The following SLC10A7 variants were observed in gnomAD, a reference collection of about 807,000 sequenced individuals.
SLC10A7 encodes solute carrier family 10 member 7.
A neutral mutation model predicts 43.2 loss-of-function variants in SLC10A7; 29 were observed. That is an observed-to-expected ratio of 0.67 (90% confidence interval 0.50 to 0.92). The LOEUF (loss-of-function observed/expected upper bound fraction) is 0.92, where lower values mean the gene tolerates loss of function less well. Among genes scored for constraint, SLC10A7 ranks in the 40% least tolerant of loss-of-function variants. SLC10A7 has a pLI of 0.00. For missense variants in SLC10A7, 295 were observed against 403.2 expected (o/e 0.73, Z 2.30); for synonymous variants, 152 against 144.8 (o/e 1.05, Z -0.35).
intron 5 of SLC10A7, among the ~76,000 whole-genome samples, chr4:146,418,039 GATA>G (rs1443984106): frequency 1.3e-5 from 2 of 150,746 alleles, no homozygotes; most frequent in Non-Finnish European, 3.0e-5. Context: ...TGATGATGAT[GATA>G]ATGATCCACA....
intron 5 of SLC10A7, among the ~76,000 whole-genome samples, chr4:146,433,641 G>T (rs1729963844): frequency 6.6e-6 from 1 of 152,104 alleles, no homozygotes; most frequent in Admixed American, 6.5e-5. Flanking sequence ...TGAGGTGGGA[G>T]GATCGCTTGA....
intron 6 of SLC10A7, among the ~76,000 whole-genome samples, chr4:146,325,658 C>T (rs374997255): frequency 3.1e-4 from 47 of 152,224 alleles, no homozygotes; most frequent in South Asian, 8.3e-4. Flanking sequence ...TTTAGTTTTA[C>T]TAATGAGAAA....
chr4:146,358,380 A>C (rs1560832318), intron 5 of SLC10A7, among the ~76,000 whole-genome samples: 2 of 152,106 alleles, frequency 1.3e-5, no homozygotes, highest in Non-Finnish European at 2.9e-5. Context: ...ATTAGACTAG[A>C]CTAGGCTTTT....
intron 4 of SLC10A7, among the ~76,000 whole-genome samples, chr4:146,466,495 A>G (rs966246231): frequency 2.6e-5 from 4 of 152,204 alleles, no homozygotes; most frequent in African/African-American, 9.6e-5. Context: ...CCCCAAGATC[A>G]GGAGCTCACA....
At chr4:146,281,126 T>C (rs767252563) in intron 10 of SLC10A7, among the ~76,000 whole-genome samples, 20 of 152,124 alleles carry the variant, frequency 1.3e-4, no homozygotes, top group Admixed American at 5.2e-4. Flanking sequence ...ACCTATCTGT[T>C]TGCCTGAAAA....
rs1732292717 is a variant in SLC10A7 at position 146,458,770 on chromosome 4, G to C, written c.397-15949C>G. ...CTTCTAACCACTTTTGATTTTGAGG[G>C]CTTGTGTGTAACAATCTGTATTTAC... On this transcript the variant is annotated intron_variant, in intron 4 of 11. Coordinates refer to ENST00000335472, the MANE Select transcript of SLC10A7 (RefSeq NM_001029998.6). Among the ~76,000 whole-genome samples, 3 of 151,738 alleles carry C rather than the reference G, an allele frequency of 2.0e-5. No homozygotes were observed. The South Asian group carries it at 6.2e-4, about 31-fold the overall frequency.
At chr4:146,463,064 T>C (rs987571080) in intron 4 of SLC10A7, among the ~76,000 whole-genome samples, 1 of 152,190 alleles carries the variant, frequency 6.6e-6, no homozygotes, top group African/African-American at 2.4e-5. Flanking sequence ...ACTCAGCAAC[T>C]ACACCATGTA....
At chr4:146,398,675 TGTAA>T (rs1286012184) in intron 5 of SLC10A7, among the ~76,000 whole-genome samples, 1 of 152,168 alleles carries the variant, frequency 6.6e-6, no homozygotes, top group Non-Finnish European at 1.5e-5. Flanking sequence ...AATGTGGCTT[TGTAA>T]AGGCTTTGAG....
chr4:146,277,469 T>C (rs769137364), intron 10 of SLC10A7, among the ~76,000 whole-genome samples: 12 of 152,212 alleles, frequency 7.9e-5, no homozygotes, highest in Non-Finnish European at 1.5e-4. Flanking sequence ...TCTCTTTCTT[T>C]ATGTGGATCA....
At chr4:146,343,818 T>C (rs775433832) in intron 5 of SLC10A7, among the ~76,000 whole-genome samples, 10 of 152,074 alleles carry the variant, frequency 6.6e-5, no homozygotes, top group Non-Finnish European at 1.5e-4. Context: ...AACTTAATAT[T>C]ACAGGTACAA....
chr4:146,458,636 C>T (rs1732280337), intron 4 of SLC10A7, among the ~76,000 whole-genome samples: 2 of 151,796 alleles, frequency 1.3e-5, no homozygotes, highest in Non-Finnish European at 2.9e-5. Flanking sequence ...TGTTATTGGC[C>T]TATCCTCTGC....
At chr4:146,315,060 AG>A (rs1247701557) in intron 6 of SLC10A7, among the ~76,000 whole-genome samples, 1 of 152,104 alleles carries the variant, frequency 6.6e-6, no homozygotes, top group Non-Finnish European at 1.5e-5. Context: ...AGAGTAAGCA[AG>A]ATGTAGTTGG....
chr4:146,473,063 A>G (rs1431676362), intron 4 of SLC10A7, among the ~76,000 whole-genome samples: 1 of 152,168 alleles, frequency 6.6e-6, no homozygotes, highest in African/African-American at 2.4e-5. Context: ...CTATTTCCTC[A>G]TGGGGATAAA....
chr4:146,288,223 C>CT (rs1409244317), intron 9 of SLC10A7, among the ~76,000 whole-genome samples: 1 of 152,174 alleles, frequency 6.6e-6, no homozygotes, highest in Non-Finnish European at 1.5e-5. Flanking sequence ...GACTTGTACT[C>CT]TAGCTATGTA....
chr4:146,501,120 T>A (rs1736373331), intron 4 of SLC10A7, among the ~76,000 whole-genome samples: 1 of 152,140 alleles, frequency 6.6e-6, no homozygotes, highest in South Asian at 2.1e-4. Flanking sequence ...CAGGGCTCAG[T>A]CCTTGAACCT....
intron 5 of SLC10A7, among the ~76,000 whole-genome samples, chr4:146,403,007 A>T (rs1200797150): frequency 1.3e-5 from 2 of 152,218 alleles, no homozygotes; most frequent in African/African-American, 4.8e-5. Context: ...CTCTTCAGGA[A>T]AATGAGAATA....
At chr4:146,295,954 C>A (rs1024083819) in intron 7 of SLC10A7, among the ~76,000 whole-genome samples, 3 of 152,002 alleles carry the variant, frequency 2.0e-5, no homozygotes, top group Non-Finnish European at 4.4e-5. Flanking sequence ...TGCCCTCCAA[C>A]AAAATAAATA....
chr4:146,515,030 T>C, intron 2 of SLC10A7: 1 of 677,158 alleles, frequency 1.5e-6, no homozygotes, highest in Non-Finnish European at 2.7e-6. Context: ...TCTGAAGGTT[T>C]CTTAGGTGCT....
At chr4:146,409,885 G>C (rs1466771555) in intron 5 of SLC10A7, among the ~76,000 whole-genome samples, 1 of 152,082 alleles carries the variant, frequency 6.6e-6, no homozygotes, top group Non-Finnish European at 1.5e-5. Flanking sequence ...ACTAGTAAGT[G>C]ATCACAAAAA....
Sources: gnomAD v4.1 joint callset for allele counts (sites outside exome capture counted in the v4.1 genomes callset) on GRCh38, gnomAD v4.1.1 for gene constraint, MANE v1.5 for transcripts, NCBI Gene and HGNC (gene_info 2026-07-23, HGNC 2026-07-21) for gene names.